The following NCKAP5 variants were observed in gnomAD, a reference collection of about 807,000 sequenced individuals.
NCKAP5 encodes nck-associated protein 5.
Under a neutral mutation model 167.0 loss-of-function variants are expected in NCKAP5, and 92 were observed. The observed-to-expected ratio is 0.55, with a 90% CI of 0.47 to 0.66. NCKAP5 has a LOEUF of 0.66. Among genes scored for constraint, NCKAP5 ranks in the 30% least tolerant of loss-of-function variants. NCKAP5 has a pLI of 0.00. For synonymous variants in NCKAP5, 891 were observed against 877.4 expected (o/e 1.02, Z -0.27); for missense variants, 2,378 against 2,315.0 (o/e 1.03, Z -0.56).
At chr2:132,968,161 T>C (rs543937001) in intron 7 of NCKAP5, among the ~76,000 whole-genome samples, 1 of 152,008 alleles carries the variant, frequency 6.6e-6, no homozygotes, top group Admixed American at 6.5e-5. Context: ...TAGGAAGAAG[T>C]TTGGATTTTA....
intron 6 of NCKAP5, among the ~76,000 whole-genome samples, chr2:133,064,223 T>C (rs1262542795): frequency 6.6e-6 from 1 of 152,256 alleles, no homozygotes; most frequent in African/African-American, 2.4e-5. Flanking sequence ...AACAAAACTG[T>C]ATATAAACAA....
intron 8 of NCKAP5, among the ~76,000 whole-genome samples, chr2:132,939,493 A>G (rs1697118312): frequency 6.6e-6 from 1 of 152,228 alleles, no homozygotes. Flanking sequence ...CACTGCTTAT[A>G]AACATGAAAG....
intron 6 of NCKAP5, among the ~76,000 whole-genome samples, chr2:133,045,390 T>G (rs1241224071): frequency 6.6e-6 from 1 of 151,860 alleles, no homozygotes; most frequent in Admixed American, 6.6e-5. Flanking sequence ...TATCTATATA[T>G]ATATACATAA....
intron 5 of NCKAP5, among the ~76,000 whole-genome samples, chr2:133,183,709 A>G (rs910410067): frequency 2.6e-5 from 4 of 152,206 alleles, no homozygotes; most frequent in Admixed American, 2.6e-4. Flanking sequence ...TTTGTTCAAC[A>G]TAATGCTGAA....
the NCKAP5 span, among the ~76,000 whole-genome samples, chr2:133,658,770 T>G: frequency 6.6e-6 from 1 of 152,176 alleles, no homozygotes; most frequent in African/African-American, 2.4e-5. Flanking sequence ...GGGCTTGATT[T>G]GGCTCCTGTC....
Position 132,783,896 on chromosome 2 carries a change from G to A in NCKAP5, c.2915C>T (p.Pro972Leu), listed in dbSNP as rs368218260. The A allele has an allele frequency of 5.0e-5, 77 of 1,543,818 alleles. No individual in the cohort carries two copies. In the African/African-American group the frequency reaches 6.6e-4, roughly 13 times the overall value. The change falls in exon 14 of 20, where the codon CCG becomes CTG. Residue 972 changes from proline (P) to leucine (L), a missense_variant. By Grantham distance (98) the Pro-to-Leu change is moderately conservative (BLOSUM62 -3). Coordinates refer to ENST00000409261, the MANE Select transcript of NCKAP5 (RefSeq NM_207363.3). Reference protein sequence around the residue: ...SETARTPFKSPLLKGISAPVI... With the variant: ...SETARTPFKSLLLKGISAPVI... ...TGGAGCAGAAATTCCTTTCAGCAGCGGGGATTTGAATGGGGTCCTTGCTGT... is the reference window on the plus strand; with the variant it reads ...TGGAGCAGAAATTCCTTTCAGCAGCAGGGATTTGAATGGGGTCCTTGCTGT...
At chr2:133,311,484 T>C (rs1224572819) in intron 3 of NCKAP5, among the ~76,000 whole-genome samples, 1 of 152,030 alleles carries the variant, frequency 6.6e-6, no homozygotes, top group Non-Finnish European at 1.5e-5. Context: ...ATGTATTAGG[T>C]AGGAATGACT....
intron 8 of NCKAP5, among the ~76,000 whole-genome samples, chr2:132,941,547 T>C (rs1410678409): frequency 1.3e-5 from 2 of 152,116 alleles, no homozygotes; most frequent in Non-Finnish European, 2.9e-5. Flanking sequence ...GGTGACCCTT[T>C]TTACTATCTG....
At chr2:133,411,052 C>T (rs1471820191) in intron 3 of NCKAP5, among the ~76,000 whole-genome samples, 1 of 152,242 alleles carries the variant, frequency 6.6e-6, no homozygotes, top group Non-Finnish European at 1.5e-5. Context: ...AGACCTGCCA[C>T]ACCAGTAACT....
chr2:133,446,772 T>C (rs1012562400), intron 3 of NCKAP5, among the ~76,000 whole-genome samples: 1 of 151,840 alleles, frequency 6.6e-6, no homozygotes, highest in African/African-American at 2.4e-5. Context: ...GACAGCTGAA[T>C]AATGGAGGAG....
chr2:133,654,081 T>A, the NCKAP5 span, among the ~76,000 whole-genome samples: 2 of 152,108 alleles, frequency 1.3e-5, no homozygotes, highest in African/African-American at 4.8e-5. Context: ...CTACATCATA[T>A]GCAAGTTCAA....
chr2:133,043,398 T>C (rs1245208307), intron 6 of NCKAP5, among the ~76,000 whole-genome samples: 1 of 152,152 alleles, frequency 6.6e-6, no homozygotes, highest in Non-Finnish European at 1.5e-5. Context: ...AAATAAAATT[T>C]GCCTGAACGT....
At chr2:133,238,932 G>T (rs1299485175) in intron 4 of NCKAP5, among the ~76,000 whole-genome samples, 1 of 152,156 alleles carries the variant, frequency 6.6e-6, no homozygotes, top group African/African-American at 2.4e-5. Flanking sequence ...CAGTCTGTAT[G>T]TAACCTGGTA....
the NCKAP5 span, among the ~76,000 whole-genome samples, chr2:133,575,271 G>A: frequency 3.0e-3 from 454 of 152,306 alleles, 5 homozygotes; most frequent in African/African-American, 0.01. Context: ...GAAATCCAGG[G>A]TGATTGATTT....
intron 4 of NCKAP5, among the ~76,000 whole-genome samples, chr2:133,270,565 C>G (rs2089462770): frequency 6.6e-6 from 1 of 152,188 alleles, no homozygotes; most frequent in Non-Finnish European, 1.5e-5. Context: ...AAAGCTAAAT[C>G]AAAAGGAAAA....
At chr2:133,051,510 T>C (rs922793929) in intron 6 of NCKAP5, among the ~76,000 whole-genome samples, 1 of 152,174 alleles carries the variant, frequency 6.6e-6, no homozygotes, top group Non-Finnish European at 1.5e-5. Context: ...AAGCAGGTGC[T>C]GGGCTCCACA....
At chr2:133,360,623 A>G (rs1175649338) in intron 3 of NCKAP5, among the ~76,000 whole-genome samples, 1 of 152,120 alleles carries the variant, frequency 6.6e-6, no homozygotes, top group Non-Finnish European at 1.5e-5. Flanking sequence ...GAGCCAATGA[A>G]GTACCCTCCT....
At chr2:132,722,712 CA>C (rs2105403320) in intron 19 of NCKAP5, among the ~76,000 whole-genome samples, 1 of 152,292 alleles carries the variant, frequency 6.6e-6, no homozygotes, top group South Asian at 2.1e-4. Flanking sequence ...TTTCACTTGG[CA>C]GAAGGCAAGG....
rs143884337 is a variant in NCKAP5, at chr2:133,356,773, T to G, written c.70-53663A>C. Among the ~76,000 whole-genome samples, 5 of 152,300 alleles carry G rather than the reference T, an allele frequency of 3.3e-5. No individual in the cohort carries two copies. In the East Asian group the frequency reaches 9.6e-4, roughly 29 times the overall value. The stretch of plus-strand genomic sequence containing the variant: ...TTGAGAAATACCTAAAATTTTATGA[T>G]TGGGGTCTATTGTACTTCTTAATTA... On this transcript the variant is annotated intron_variant, in intron 3 of 19. Coordinates refer to ENST00000409261, the MANE Select transcript of NCKAP5 (RefSeq NM_207363.3).
Sources: allele counts gnomAD v4.1 joint callset (sites outside exome capture counted in the v4.1 genomes callset), GRCh38; gene constraint gnomAD v4.1.1; transcripts MANE v1.5; gene names NCBI Gene and HGNC (gene_info 2026-07-23, HGNC 2026-07-21).